The following ENOX2 variants were observed in gnomAD, a reference collection of about 807,000 sequenced individuals.
ENOX2 encodes APK1 antigen.
In ENOX2, 36 loss-of-function variants were observed where a neutral mutation model predicts 45.0. That is an observed-to-expected ratio of 0.80 (90% CI 0.61 to 1.06). The LOEUF is 1.06. ENOX2 is among the 50% of genes least tolerant of loss of function. The probability of loss-of-function intolerance (pLI) is 0.00; values close to 1 mark genes in which losing one functional copy is unlikely to be tolerated. For synonymous variants in ENOX2, 174 were observed against 152.3 expected (o/e 1.14, Z -1.05); for missense variants, 423 against 462.5 (o/e 0.91, Z 0.78).
chrX:130,737,451 C>A (rs1004040978), intron 3 of ENOX2, among the ~76,000 whole-genome samples: 1 of 110,212 alleles, frequency 9.1e-6, no homozygotes, highest in African/African-American at 3.4e-5. Context: ...CATGCGCGTG[C>A]GCACGCACAC....
At chrX:130,897,896 G>T (rs2079084623) in intron 2 of ENOX2, among the ~76,000 whole-genome samples, 1 of 112,484 alleles carries the variant, frequency 8.9e-6, no homozygotes, top group Non-Finnish European at 1.9e-5. Flanking sequence ...GACTAGAAGG[G>T]AAGCAGGCTG....
At chrX:130,769,115 A>C (rs1330693631) in intron 3 of ENOX2, among the ~76,000 whole-genome samples, 3 of 111,687 alleles carry the variant, frequency 2.7e-5, no homozygotes, top group African/African-American at 9.7e-5. Context: ...CCTGTTTCAT[A>C]ATCTAGGGGA....
At chrX:130,798,241 C>T (rs925319524) in intron 2 of ENOX2, among the ~76,000 whole-genome samples, 14 of 111,799 alleles carry the variant, frequency 1.3e-4, no homozygotes, top group African/African-American at 4.2e-4. Context: ...CATAGCAAGA[C>T]GTCCATCTCT....
chrX:130,795,240 G>A (rs1439158179), intron 2 of ENOX2, among the ~76,000 whole-genome samples: 1 of 112,000 alleles, frequency 8.9e-6, no homozygotes, highest in Non-Finnish European at 1.9e-5. Flanking sequence ...AATACAAGGT[G>A]TTGACAACTG....
intron 2 of ENOX2, among the ~76,000 whole-genome samples, chrX:130,805,607 T>A (rs1044053982): frequency 9.0e-6 from 1 of 111,459 alleles, no homozygotes; most frequent in African/African-American, 3.3e-5. Flanking sequence ...TGGGTACACA[T>A]GCACATTTAC....
At chrX:130,749,707 G>A (rs2039170729) in intron 3 of ENOX2, among the ~76,000 whole-genome samples, 1 of 110,906 alleles carries the variant, frequency 9.0e-6, no homozygotes, top group South Asian at 3.8e-4. Flanking sequence ...CTCATCTAAG[G>A]CTCAAAAGGA....
intron 2 of ENOX2, among the ~76,000 whole-genome samples, chrX:130,832,958 A>G (rs997395589): frequency 1.8e-5 from 2 of 109,394 alleles, no homozygotes; most frequent in Non-Finnish European, 3.8e-5. Flanking sequence ...TAAACATAAG[A>G]AAGACACATA....
At chrX:130,834,452 C>CT (rs971893506) in intron 2 of ENOX2, among the ~76,000 whole-genome samples, 1 of 111,010 alleles carries the variant, frequency 9.0e-6, no homozygotes, top group African/African-American at 3.3e-5. Flanking sequence ...CTTTGTTCCT[C>CT]TTTTTTTTCC....
chrX:130,767,114 G>A (rs1266503365), intron 3 of ENOX2, among the ~76,000 whole-genome samples: 4 of 111,505 alleles, frequency 3.6e-5, no homozygotes, highest in Non-Finnish European at 7.6e-5. Flanking sequence ...GGGTGAGGTA[G>A]GGTCAAGGAT....
chrX:130,853,463 C>CAAAAAAAAA (rs754949787), intron 2 of ENOX2, among the ~76,000 whole-genome samples: 25 of 27,889 alleles, frequency 9.0e-4, no homozygotes, highest in Non-Finnish European at 1.2e-3. Context: ...GACTCCGTCT[C>CAAAAAAAAA]AAAAAAAAAA....
At chrX:130,843,052 G>C (rs150558752) in intron 2 of ENOX2, among the ~76,000 whole-genome samples, 1 of 111,327 alleles carries the variant, frequency 9.0e-6, no homozygotes, top group South Asian at 3.9e-4. Context: ...AGGTGGCCCC[G>C]CAACTTCAAA....
intron 2 of ENOX2, among the ~76,000 whole-genome samples, chrX:130,824,667 C>A (rs372295073): frequency 2.1e-4 from 23 of 111,414 alleles, no homozygotes; most frequent in East Asian, 1.7e-3. Flanking sequence ...GGATTAGTAT[C>A]CTTCAAATCA....
chrX:130,789,814 A>T (rs914113306), intron 2 of ENOX2, among the ~76,000 whole-genome samples: 1 of 112,230 alleles, frequency 8.9e-6, no homozygotes, highest in Admixed American at 9.4e-5. Flanking sequence ...ATGTTCTGGC[A>T]GGTGCTGTTG....
chrX:130,796,597 T>C (rs886410821), intron 2 of ENOX2, among the ~76,000 whole-genome samples: 1 of 112,064 alleles, frequency 8.9e-6, no homozygotes, highest in African/African-American at 3.2e-5. Context: ...ATTTTCATAA[T>C]AGGTCTCAGA....
intron 2 of ENOX2, among the ~76,000 whole-genome samples, chrX:130,829,549 A>G (rs1379740813): frequency 1.8e-5 from 2 of 111,738 alleles, no homozygotes; most frequent in Non-Finnish European, 3.8e-5. Context: ...GCCTGTAAGC[A>G]TAAGGAATTC....
chrX:130,832,238 T>C (rs2077846280), intron 2 of ENOX2, among the ~76,000 whole-genome samples: 1 of 111,055 alleles, frequency 9.0e-6, no homozygotes, highest in Admixed American at 9.6e-5. Context: ...TTTATTCCTC[T>C]GCTAAGTAGT....
chrX:130,783,443 G>C (rs768015561), intron 3 of ENOX2, 104 bp downstream of exon 3: 83 of 271,052 alleles, frequency 3.1e-4, no homozygotes, highest in African/African-American at 2.2e-3. Context: ...CATTTATTTA[G>C]TTCCTACAAG....
intron 7 of ENOX2, 102 bp from the exon 8 acceptor site, chrX:130,667,844 G>T: frequency 1.7e-6 from 1 of 574,562 alleles, no homozygotes; most frequent in Non-Finnish European, 2.7e-6. Flanking sequence ...GCAGTGATGG[G>T]TAAATGAATT....
At chrX:130,842,456 C>T (rs2078031553) in intron 2 of ENOX2, among the ~76,000 whole-genome samples, 1 of 111,537 alleles carries the variant, frequency 9.0e-6, no homozygotes, top group Non-Finnish European at 1.9e-5. Context: ...ACCAAAGGCA[C>T]CCCACTCAGC....
Sources: gnomAD v4.1 joint callset for allele counts (sites outside exome capture counted in the v4.1 genomes callset) on GRCh38, gnomAD v4.1.1 for gene constraint, MANE v1.5 for transcripts, NCBI Gene and HGNC (gene_info 2026-07-23, HGNC 2026-07-21) for gene names.